TM9SF4: variants seen among roughly 807,000 people sequenced by gnomAD.
TM9SF4 encodes dinucleotide oxidase disulfide thiol exchanger 3 superfamily member 4.
Under a neutral mutation model 90.4 loss-of-function variants are expected in TM9SF4, and 26 were observed. That is an observed-to-expected ratio of 0.29 (90% confidence interval 0.21 to 0.40). The LOEUF is 0.40. Ranked by LOEUF, TM9SF4 falls within the 10% of genes least tolerant of loss-of-function variation. The pLI is 1.00. For synonymous variants in TM9SF4, 293 were observed against 315.4 expected, an observed-to-expected ratio of 0.93 and a Z score of 0.75; for missense variants, 549 against 834.8, an observed-to-expected ratio of 0.66 and a Z score of 4.22.
rs1445134479 is a variant in TM9SF4 at position 32,160,121 on chromosome 20, G to T, written c.1689+10G>T. 6.2e-7 allele frequency: 1 copy of T among 1,614,100 alleles called. No homozygotes were observed. The highest frequency in any genetic ancestry group is 1.7e-5 in the Admixed American group (1 of 60,016). ...CCAGCTGTGTGCAGAGGTGAGGAGA[G>T]CAGGGCCAGGAGGCGGGGGAGGGAG... On this transcript the variant is annotated intron_variant, in intron 16 of 17. Transcript: ENST00000398022.
At chr20:32,123,226 A>G (rs200744553) in intron 1 of TM9SF4, among the ~76,000 whole-genome samples, 276 of 4,328 alleles carry the variant, frequency 0.064, 52 homozygotes, top group East Asian at 0.23. Flanking sequence ...GGAGGGGGAG[A>G]GGGAGAGGGA....
rs991722168 is a variant in TM9SF4, at chr20:32,164,838, CTG to C, written c.1780-454_1780-453del. 9.9e-5 allele frequency among the ~76,000 whole-genome samples: 15 copies of C among 152,184 alleles called. 1 individual carries two copies. The highest frequency in any genetic ancestry group is 2.1e-4 in the Non-Finnish European group (14 of 68,034). ...CCAAAATGCTCCAAGATCAAAATCT[CTG>C]TGAGATGCTAACAAAAGTGACAAGC... On this transcript the variant is annotated intron_variant, in intron 17 of 17. Transcript: ENST00000398022.
chr20:32,112,270 C>G (rs1427948531), intron 1 of TM9SF4, among the ~76,000 whole-genome samples: 1 of 152,092 alleles, frequency 6.6e-6, no homozygotes, highest in Non-Finnish European at 1.5e-5. Flanking sequence ...AAAAAATTAG[C>G]TGGGCTTGGT....
At chr20:32,132,709 C>T (rs1398713908) in intron 1 of TM9SF4, among the ~76,000 whole-genome samples, 1 of 152,216 alleles carries the variant, frequency 6.6e-6, no homozygotes, top group Non-Finnish European at 1.5e-5. Context: ...CTGGGAGTTA[C>T]ACACTATAAA....
chr20:32,110,005 G>T (rs1302200617), intron 1 of TM9SF4: 9 of 1,404,700 alleles, frequency 6.4e-6, no homozygotes, highest in Non-Finnish European at 8.3e-6. Context: ...TGCTGCCTTC[G>T]CCGGTTCCCA....
intron 1 of TM9SF4, among the ~76,000 whole-genome samples, chr20:32,130,624 A>C (rs2046496457): frequency 6.6e-6 from 1 of 152,180 alleles, no homozygotes; most frequent in Non-Finnish European, 1.5e-5. Context: ...TGCAGTTGGT[A>C]GGCTTTCCAT....
intron 3 of TM9SF4, among the ~76,000 whole-genome samples, chr20:32,139,274 C>T (rs1415477103): frequency 6.6e-6 from 1 of 152,260 alleles, no homozygotes; most frequent in Non-Finnish European, 1.5e-5. Context: ...CGCCTCAGAT[C>T]TTGATATCTA....
At chr20:32,122,925 G>A (rs1025251317) in intron 1 of TM9SF4, among the ~76,000 whole-genome samples, 5 of 151,820 alleles carry the variant, frequency 3.3e-5, no homozygotes, top group African/African-American at 7.3e-5. Flanking sequence ...CCGGCACCTC[G>A]GGAGGCCGAG....
At chr20:32,152,435 C>CTTT (rs1425871590) in intron 12 of TM9SF4, among the ~76,000 whole-genome samples, 1 of 151,648 alleles carries the variant, frequency 6.6e-6, no homozygotes, top group African/African-American at 2.4e-5. Context: ...CCTCCTCCTT[C>CTTT]CTCATGCCTC....
At chr20:32,143,779 A>G (rs2046716942) in intron 6 of TM9SF4, among the ~76,000 whole-genome samples, 1 of 151,772 alleles carries the variant, frequency 6.6e-6, no homozygotes. Flanking sequence ...AATTAGACAC[A>G]GAAGTCCCAA....
Position 32,141,767 on chromosome 20 carries a change from A to G in TM9SF4, c.400A>G (p.Ile134Val). 2 of 1,614,128 alleles carry G rather than the reference A, an allele frequency of 1.2e-6. No individual in the cohort carries two copies. Among genetic ancestry groups the G allele is most frequent in the East Asian group, 2.2e-5 (1 of 44,876 alleles). The change falls in exon 5 of 18, where the codon ATT becomes GTT. Residue 134 changes from isoleucine (I) to valine (V), a missense_variant and splice_region_variant. Around this residue, in one of 2 missense-constraint regions of TM9SF4, gnomAD observed 495 missense variants for 711.7 expected, o/e 0.70. Transcript: ENST00000398022. ...RITEDYYVHL[I>V]ADNLPVATRL... ...CTGAGTGGGGCCTTCACTTTCCAGC[A>G]TTGCTGACAACCTGCCTGTGGCCAC... is the stretch of plus-strand genomic sequence containing the variant.
chr20:32,144,097 T>G (rs112270451), intron 6 of TM9SF4, among the ~76,000 whole-genome samples: 35 of 152,170 alleles, frequency 2.3e-4, no homozygotes, highest in African/African-American at 7.7e-4. Context: ...AGGCGCCCAC[T>G]ACCGCACCTG....
At chr20:32,110,123 C>T (rs184545133) in intron 1 of TM9SF4, 21 of 1,081,016 alleles carry the variant, frequency 1.9e-5, no homozygotes, top group Admixed American at 1.2e-4. Flanking sequence ...TGCTCCTCCC[C>T]GTCACGTCCA....
intron 17 of TM9SF4, among the ~76,000 whole-genome samples, chr20:32,164,023 C>G (rs1055775525): frequency 3.9e-5 from 6 of 152,138 alleles, no homozygotes; most frequent in African/African-American, 1.4e-4. Flanking sequence ...GAGATCACAT[C>G]ACAGCCTCTT....
intron 8 of TM9SF4, among the ~76,000 whole-genome samples, chr20:32,146,357 ATGGCGGGGCATTC>A (rs1466775336): frequency 6.6e-6 from 1 of 152,168 alleles, no homozygotes; most frequent in African/African-American, 2.4e-5. Context: ...CAGTCAGGAT[ATGGCGGGGCATTC>A]TGGGCAAAAA....
chr20:32,125,710 A>T, intron 1 of TM9SF4, among the ~76,000 whole-genome samples: 1 of 123,778 alleles, frequency 8.1e-6, no homozygotes, highest in Non-Finnish European at 1.6e-5. Context: ...TTTGAGACAT[A>T]GTCTCGCTTT....
At chr20:32,139,005 A>G (rs931658968) in intron 3 of TM9SF4, among the ~76,000 whole-genome samples, 11 of 152,182 alleles carry the variant, frequency 7.2e-5, no homozygotes, top group African/African-American at 2.4e-4. Context: ...TCACTGGCCA[A>G]TCCATCCCTG....
At position 32,136,387 on chromosome 20, in the gene TM9SF4, A is replaced by G. The variant is rs192394562; in HGVS notation, c.229+214A>G. The stretch of plus-strand genomic sequence containing the variant: ...GGTTAAGTGACTTGTCTTTGTTTAT[A>G]CTGTGGGCAAAGGCATCCTCTGTTT... On this transcript the variant is annotated intron_variant, in intron 3 of 17. Coordinates refer to ENST00000398022, the MANE Select transcript of TM9SF4 (RefSeq NM_014742.4). Among the ~76,000 whole-genome samples, 21 of 152,294 alleles carry G rather than the reference A, an allele frequency of 1.4e-4. No homozygotes were observed. In the East Asian group the frequency reaches 3.1e-3, roughly 22 times the overall value.
chr20:32,134,963 A>C (rs1342602975), intron 2 of TM9SF4, among the ~76,000 whole-genome samples: 1 of 152,174 alleles, frequency 6.6e-6, no homozygotes, highest in Admixed American at 6.5e-5. Flanking sequence ...AATCCAGAAA[A>C]TTTCTAATCC....
Sources: allele counts gnomAD v4.1 joint callset (sites outside exome capture counted in the v4.1 genomes callset), GRCh38; gene constraint gnomAD v4.1.1; regional missense constraint gnomAD v4.1.1; transcripts MANE v1.5; gene names NCBI Gene and HGNC (gene_info 2026-07-23, HGNC 2026-07-21).